DCAF8L2: variants seen among roughly 807,000 people sequenced by gnomAD.
The protein encoded by DCAF8L2 is DDB1- and CUL4-associated factor 8-like protein 2.
For missense variants in DCAF8L2, 430 were observed against 490.7 expected, an observed-to-expected ratio of 0.88 and a Z score of 1.17; for synonymous variants, 200 against 190.9, an observed-to-expected ratio of 1.05 and a Z score of -0.39.
At chrX:27,470,723 A>G in the DCAF8L2 span, among the ~76,000 whole-genome samples, 1 of 112,049 alleles carries the variant, frequency 8.9e-6, no homozygotes, top group Non-Finnish European at 1.9e-5. Context: ...CATGTAGGTG[A>G]TACATACAGT....
chrX:27,709,996 A>C (rs1474963590), intron 3 of DCAF8L2, among the ~76,000 whole-genome samples: 1 of 110,984 alleles, frequency 9.0e-6, no homozygotes, highest in East Asian at 2.8e-4. Flanking sequence ...CATTTCTATG[A>C]AATGTATTTT....
At chrX:27,583,386 A>T in the DCAF8L2 span, among the ~76,000 whole-genome samples, 6 of 111,831 alleles carry the variant, frequency 5.4e-5, no homozygotes, top group East Asian at 1.7e-3. Flanking sequence ...TGCTTTTCCA[A>T]GGATACCTAG....
At chrX:27,617,448 A>G (rs749145903) in intron 1 of DCAF8L2, among the ~76,000 whole-genome samples, 1 of 110,674 alleles carries the variant, frequency 9.0e-6, no homozygotes, top group South Asian at 3.8e-4. Context: ...TGTCTTAAAC[A>G]TTATCCTTCA....
the DCAF8L2 span, among the ~76,000 whole-genome samples, chrX:27,528,166 G>T: frequency 9.7e-6 from 1 of 103,461 alleles, no homozygotes; most frequent in Non-Finnish European, 2.0e-5. Flanking sequence ...GCAGTCACTT[G>T]CTCCTTCTGA....
At chrX:27,648,764 G>C (rs1225106912) in intron 2 of DCAF8L2, among the ~76,000 whole-genome samples, 1 of 111,113 alleles carries the variant, frequency 9.0e-6, no homozygotes, top group Non-Finnish European at 1.9e-5. Flanking sequence ...GAACAAGGTG[G>C]ACAAAGCACA....
At chrX:27,584,148 C>T in the DCAF8L2 span, among the ~76,000 whole-genome samples, 10 of 111,517 alleles carry the variant, frequency 9.0e-5, no homozygotes, top group Middle Eastern at 4.2e-3. Context: ...TTCATGTATT[C>T]GCATCAATCA....
chrX:27,741,061 C>T (rs1378370532), intron 4 of DCAF8L2, among the ~76,000 whole-genome samples: 1 of 111,366 alleles, frequency 9.0e-6, no homozygotes, highest in Non-Finnish European at 1.9e-5. Flanking sequence ...TAAAGTGAAT[C>T]GATGATATGT....
intron 4 of DCAF8L2, among the ~76,000 whole-genome samples, chrX:27,731,213 G>A (rs1921177695): frequency 9.1e-6 from 1 of 109,462 alleles, no homozygotes. Context: ...AGAACAGCCT[G>A]GCCAACATGG....
the DCAF8L2 span, among the ~76,000 whole-genome samples, chrX:27,548,081 AG>A: frequency 9.0e-6 from 1 of 110,501 alleles, no homozygotes; most frequent in Non-Finnish European, 1.9e-5. Flanking sequence ...TAGCAGTGTG[AG>A]AATGGACTAA....
intron 1 of DCAF8L2, among the ~76,000 whole-genome samples, chrX:27,607,386 C>A (rs1017191755): frequency 9.0e-6 from 1 of 111,046 alleles, no homozygotes; most frequent in Non-Finnish European, 1.9e-5. Flanking sequence ...GTAGCTATTT[C>A]TTGAATCATT....
intron 1 of DCAF8L2, among the ~76,000 whole-genome samples, chrX:27,623,508 T>A (rs1927878115): frequency 9.1e-6 from 1 of 110,246 alleles, no homozygotes; most frequent in African/African-American, 3.3e-5. Context: ...TTTTTGAGGG[T>A]TTTTCAATGA....
At chrX:27,703,178 C>A (rs1449810723) in intron 3 of DCAF8L2, among the ~76,000 whole-genome samples, 13 of 110,850 alleles carry the variant, frequency 1.2e-4, no homozygotes, top group East Asian at 2.8e-4. Context: ...CAAAACAGTT[C>A]GACAGAAATG....
the DCAF8L2 span, among the ~76,000 whole-genome samples, chrX:27,494,806 G>T: frequency 8.9e-6 from 1 of 111,754 alleles, no homozygotes; most frequent in South Asian, 3.7e-4. Context: ...GCATTGAAAT[G>T]GTTCTTTATA....
intron 4 of DCAF8L2, among the ~76,000 whole-genome samples, chrX:27,724,369 A>G (rs1349596558): frequency 2.7e-5 from 3 of 111,186 alleles, no homozygotes. Flanking sequence ...CTATAAGACA[A>G]AAAACAGTAA....
At chrX:27,519,296 G>A in the DCAF8L2 span, 77 of 1,024,747 alleles carry the variant, frequency 7.5e-5, no homozygotes, top group Non-Finnish European at 9.6e-5. Context: ...GAATGAAAAC[G>A]AGCAAAAGAA....
intron 4 of DCAF8L2, among the ~76,000 whole-genome samples, chrX:27,730,111 ACC>A (rs1921100034): frequency 8.9e-6 from 1 of 111,787 alleles, no homozygotes; most frequent in South Asian, 3.7e-4. Flanking sequence ...AGTTGGAATG[ACC>A]CACCCTTCCC....
upstream of DCAF8L2, among the ~76,000 whole-genome samples, chrX:27,587,985 A>AAAAATATATAT: frequency 3.9e-3 from 87 of 22,308 alleles, no homozygotes; most frequent in African/African-American, 8.1e-3. Flanking sequence ...TAAAAAAAAA[A>AAAAATATATAT]ATATATATAT....
At chrX:27,585,140 C>T in the DCAF8L2 span, among the ~76,000 whole-genome samples, 1 of 110,866 alleles carries the variant, frequency 9.0e-6, no homozygotes, top group Non-Finnish European at 1.9e-5. Context: ...TCTCTTCTTC[C>T]TCGTGTCTCC....
chrX:27,503,990 G>A, the DCAF8L2 span, among the ~76,000 whole-genome samples: 4 of 111,937 alleles, frequency 3.6e-5, no homozygotes, highest in Admixed American at 9.5e-5. Flanking sequence ...TTGTACATAA[G>A]GAAACATCAA....
Sources: gnomAD v4.1 joint callset for allele counts (sites outside exome capture counted in the v4.1 genomes callset) on GRCh38, gnomAD v4.1.1 for gene constraint, MANE v1.5 for transcripts, NCBI Gene and HGNC (gene_info 2026-07-23, HGNC 2026-07-21) for gene names.